KRTAP13-3: variants seen among roughly 807,000 people sequenced by gnomAD.
KRTAP13-3 encodes the protein keratin associated protein 13-3.
For synonymous variants in KRTAP13-3, 98 were observed against 79.4 expected (o/e 1.23, Z -1.25); for missense variants, 243 against 202.8 (o/e 1.20, Z -1.20).
At chr21:30,425,783 T>C in exon 1 of KRTAP13-3, 1 of 1,614,146 alleles carries the variant, frequency 6.2e-7, no homozygotes, top group Non-Finnish European at 8.5e-7. Context: ...TGGCAGGTGC[T>C]GGGAGAGCAG....
chr21:30,425,388 C>A, exon 1 of KRTAP13-3: 1 of 1,535,792 alleles, frequency 6.5e-7, no homozygotes. Flanking sequence ...CCAGTCACCA[C>A]ATTAGTCAGT....
At chr21:30,425,917 A>G (rs1326861172) in exon 1 of KRTAP13-3, 2 of 1,606,548 alleles carry the variant, frequency 1.2e-6, no homozygotes, top group Admixed American at 3.4e-5. Flanking sequence ...GGACATGTTG[A>G]CGGGAAGATG....
At chr21:30,425,841 G>A in exon 1 of KRTAP13-3, 1 of 1,614,160 alleles carries the variant, frequency 6.2e-7, no homozygotes, top group African/African-American at 1.3e-5. Context: ...AGCCACAGGA[G>A]GAGCCTGGGT....
At chr21:30,425,739 C>T in exon 1 of KRTAP13-3, 1 of 1,614,180 alleles carries the variant, frequency 6.2e-7, no homozygotes, top group Non-Finnish European at 8.5e-7. Flanking sequence ...TCCAGCAGGT[C>T]TCCTGACAGC....
At chr21:30,425,457 A>G in exon 1 of KRTAP13-3, 1 of 1,608,410 alleles carries the variant, frequency 6.2e-7, no homozygotes, top group Non-Finnish European at 8.5e-7. Flanking sequence ...TTCTAGGTGG[A>G]AAATAGATTG....
exon 1 of KRTAP13-3, chr21:30,425,496 G>A: frequency 3.1e-6 from 5 of 1,613,888 alleles, no homozygotes; most frequent in African/African-American, 1.3e-5. Flanking sequence ...TATAACTCTG[G>A]GAAGGGGAGG....
exon 1 of KRTAP13-3, chr21:30,425,891 T>C (rs1469480153): frequency 1.2e-6 from 2 of 1,613,262 alleles, no homozygotes; most frequent in Non-Finnish European, 1.7e-6. Flanking sequence ...GAGAAGTTTC[T>C]AGAGCAACAG....
exon 1 of KRTAP13-3, chr21:30,425,468 G>A: frequency 6.2e-7 from 1 of 1,611,222 alleles, no homozygotes; most frequent in Non-Finnish European, 8.5e-7. Context: ...AAATAGATTG[G>A]ATGGCAGAAT....
exon 1 of KRTAP13-3, chr21:30,425,431 G>A (rs767643060): frequency 6.9e-6 from 11 of 1,588,630 alleles, no homozygotes; most frequent in Non-Finnish European, 9.4e-6. Flanking sequence ...CTGATAACAA[G>A]ATGAATGGAA....
exon 1 of KRTAP13-3, chr21:30,425,452 G>T: frequency 6.2e-7 from 1 of 1,606,254 alleles, no homozygotes; most frequent in Non-Finnish European, 8.5e-7. Context: ...CCACCTTCTA[G>T]GTGGAAAATA....
chr21:30,425,902 T>G, exon 1 of KRTAP13-3: 1 of 1,610,178 alleles, frequency 6.2e-7, no homozygotes, highest in African/African-American at 1.3e-5. Context: ...AGAGCAACAG[T>G]TGTAGGACAT....
exon 1 of KRTAP13-3, chr21:30,425,912 T>C (rs747802300): frequency 9.3e-6 from 15 of 1,607,632 alleles, no homozygotes; most frequent in Admixed American, 1.7e-5. Context: ...TTGTAGGACA[T>C]GTTGACGGGA....
At chr21:30,425,844 G>A in exon 1 of KRTAP13-3, 5 of 1,614,150 alleles carry the variant, frequency 3.1e-6, no homozygotes, top group Non-Finnish European at 4.2e-6. Flanking sequence ...CACAGGAGGA[G>A]CCTGGGTAGT....
chr21:30,425,819 T>C (rs541549866), exon 1 of KRTAP13-3: 1 of 1,614,112 alleles, frequency 6.2e-7, no homozygotes, highest in South Asian at 1.1e-5. Flanking sequence ...ACCAGGTTGC[T>C]GGGGTAGGAA....
rs772218299 is a variant in KRTAP13-3 at position 30,425,432 on chromosome 21, A to G, written c.481T>C (p.Ser161Pro). Residue 161 changes from serine (S) to proline (P), a missense_variant, in exon 1 of 1, where the codon TCT becomes CCT. Ser to Pro is a moderately conservative substitution (Grantham distance 74). Transcript: ENST00000390690. ...GATCTACAGAATGGCTGATAACAAGATGAATGGAACCACCTTCTAGGTGGA... is the reference window on the plus strand; with the variant it reads ...GATCTACAGAATGGCTGATAACAAGGTGAATGGAACCACCTTCTAGGTGGA... 11 of 1,589,006 alleles carry G rather than the reference A, an allele frequency of 6.9e-6. No homozygotes were observed. The Admixed American group carries it at 8.6e-5, about 12-fold the overall frequency.
At chr21:30,425,551 C>T (rs765716217) in exon 1 of KRTAP13-3, 6 of 1,614,066 alleles carry the variant, frequency 3.7e-6, no homozygotes, top group South Asian at 1.1e-5. Flanking sequence ...GGATCCACAG[C>T]CCAGTGAGGA....
At chr21:30,425,430 A>C in exon 1 of KRTAP13-3, 2 of 1,587,438 alleles carry the variant, frequency 1.3e-6, no homozygotes, top group Non-Finnish European at 1.7e-6. Flanking sequence ...GCTGATAACA[A>C]GATGAATGGA....
At chr21:30,425,647 C>T (rs752674343) in exon 1 of KRTAP13-3, 14 of 1,614,184 alleles carry the variant, frequency 8.7e-6, no homozygotes, top group East Asian at 2.2e-5. Flanking sequence ...GCAAGAATTG[C>T]AGAGCATGTG....
At chr21:30,425,467 G>A in exon 1 of KRTAP13-3, 1 of 1,610,940 alleles carries the variant, frequency 6.2e-7, no homozygotes, top group Non-Finnish European at 8.5e-7. Context: ...AAAATAGATT[G>A]GATGGCAGAA....
Sources: gnomAD v4.1 joint callset for allele counts on GRCh38, gnomAD v4.1.1 for gene constraint, MANE v1.5 for transcripts, NCBI Gene and HGNC (gene_info 2026-07-23, HGNC 2026-07-21) for gene names.